The following SPIDR variants were observed in gnomAD, a reference collection of about 807,000 sequenced individuals.
The protein encoded by SPIDR is scaffold protein involved in DNA repair.
SPIDR carries 93 observed loss-of-function variants against 104.6 expected under a neutral mutation model. The ratio of observed to expected loss-of-function variants is 0.89; its 90% CI spans 0.75 to 1.06. The LOEUF is 1.06. Among genes scored for constraint, SPIDR ranks in the 50% least tolerant of loss-of-function variants. The pLI is 0.00. For missense variants in SPIDR, 1,154 were observed against 1,111.2 expected, an observed-to-expected ratio of 1.04 and a Z score of -0.55; for synonymous variants, 431 against 416.9, an observed-to-expected ratio of 1.03 and a Z score of -0.41.
intron 8 of SPIDR, among the ~76,000 whole-genome samples, chr8:47,487,393 C>T (rs960107390): frequency 2.9e-4 from 44 of 152,232 alleles, no homozygotes; most frequent in African/African-American, 1.0e-3. Context: ...TAGACTCCCA[C>T]ACAATAATAA....
intron 5 of SPIDR, among the ~76,000 whole-genome samples, chr8:47,381,516 CTG>C (rs1228640033): frequency 6.6e-6 from 1 of 152,230 alleles, no homozygotes; most frequent in African/African-American, 2.4e-5. Flanking sequence ...GTGCTACTGA[CTG>C]TGCTCGTTTG....
intron 8 of SPIDR, among the ~76,000 whole-genome samples, chr8:47,575,679 C>T (rs1188869210): frequency 3.1e-5 from 4 of 129,256 alleles, no homozygotes; most frequent in South Asian, 2.5e-4. Flanking sequence ...AAAAAAGCTT[C>T]GGCCAGGCGC....
At chr8:47,516,317 A>G (rs2083142646) in intron 8 of SPIDR, among the ~76,000 whole-genome samples, 1 of 152,210 alleles carries the variant, frequency 6.6e-6, no homozygotes, top group Admixed American at 6.5e-5. Flanking sequence ...CCATTTTTAG[A>G]TGTATTTTCA....
intron 5 of SPIDR, among the ~76,000 whole-genome samples, chr8:47,359,953 A>C (rs1382434277): frequency 1.3e-5 from 2 of 152,164 alleles, no homozygotes; most frequent in African/African-American, 4.8e-5. Flanking sequence ...ATTGAAATAG[A>C]GGGACTGGGC....
intron 8 of SPIDR, among the ~76,000 whole-genome samples, chr8:47,573,130 A>G (rs1370890528): frequency 6.6e-6 from 1 of 152,224 alleles, no homozygotes; most frequent in African/African-American, 2.4e-5. Context: ...GAGTTGTCTA[A>G]ATTATAAATC....
chr8:47,664,743 C>CAA (rs771963348), intron 10 of SPIDR, among the ~76,000 whole-genome samples: 1,663 of 63,248 alleles, frequency 0.026, 57 homozygotes, highest in East Asian at 0.13. Flanking sequence ...CCCATCTCTA[C>CAA]AAAAAAAAAA....
chr8:47,660,111 A>G (rs1470150006), intron 10 of SPIDR, among the ~76,000 whole-genome samples: 1 of 152,236 alleles, frequency 6.6e-6, no homozygotes, highest in Non-Finnish European at 1.5e-5. Context: ...AAACTTTTTT[A>G]AAAGAGAAAT....
Position 47,421,007 on chromosome 8 carries a change from G to T in SPIDR, c.877+13046G>T, listed in dbSNP as rs533454361. On this transcript the variant is annotated intron_variant, in intron 7 of 19. Coordinates refer to ENST00000297423, the MANE Select transcript of SPIDR (RefSeq NM_001080394.4). ...GTTAGTCTGATGGGCTTCACTTTGT[G>T]GGTAACCCCACCTTTCTCTCTGGCT... Among the ~76,000 whole-genome samples, 3 of 152,336 alleles carry T rather than the reference G, an allele frequency of 2.0e-5. No individual in the cohort carries two copies. In the South Asian group the frequency reaches 6.2e-4, roughly 32 times the overall value.
intron 8 of SPIDR, among the ~76,000 whole-genome samples, chr8:47,497,270 A>T (rs1586704930): frequency 1.3e-5 from 2 of 149,188 alleles, no homozygotes; most frequent in South Asian, 2.1e-4. Flanking sequence ...GTTTTTTCTT[A>T]TTTTTCTGGT....
At chr8:47,355,285 A>T (rs1219819915) in intron 5 of SPIDR, among the ~76,000 whole-genome samples, 1 of 151,278 alleles carries the variant, frequency 6.6e-6, no homozygotes, top group African/African-American at 2.4e-5. Context: ...AAAAAAAAAA[A>T]AAAAAAATAC....
At chr8:47,626,394 T>C (rs1025471791) in intron 10 of SPIDR, among the ~76,000 whole-genome samples, 1 of 152,170 alleles carries the variant, frequency 6.6e-6, no homozygotes, top group Admixed American at 6.5e-5. Context: ...AAATGGGATC[T>C]AATTAAACTA....
intron 19 of SPIDR, among the ~76,000 whole-genome samples, chr8:47,735,095 GGTGTGTGT>G (rs146992468): frequency 6.8e-6 from 1 of 146,042 alleles, no homozygotes; most frequent in Non-Finnish European, 1.5e-5. Flanking sequence ...TGGGTGTGTG[GGTGTGTGT>G]GTGTGTGGGT....
At chr8:47,508,364 A>G (rs529972861) in intron 8 of SPIDR, among the ~76,000 whole-genome samples, 1 of 152,316 alleles carries the variant, frequency 6.6e-6, no homozygotes, top group African/African-American at 2.4e-5. Context: ...AAGGGAATGC[A>G]TTGACTTGAT....
At chr8:47,722,711 C>G (rs1223454740) in intron 16 of SPIDR, among the ~76,000 whole-genome samples, 1 of 152,108 alleles carries the variant, frequency 6.6e-6, no homozygotes, top group African/African-American at 2.4e-5. Flanking sequence ...TCATTCTATA[C>G]AAGTTGAGTA....
intron 8 of SPIDR, among the ~76,000 whole-genome samples, chr8:47,551,339 C>G (rs1003622594): frequency 3.3e-5 from 5 of 152,080 alleles, no homozygotes; most frequent in Admixed American, 2.0e-4. Context: ...AGTTTCAGAA[C>G]CAATGGTACC....
At chr8:47,283,378 T>G (rs1265237443) in intron 2 of SPIDR, among the ~76,000 whole-genome samples, 1 of 152,204 alleles carries the variant, frequency 6.6e-6, no homozygotes, top group Non-Finnish European at 1.5e-5. Context: ...TGGTTTTGAC[T>G]GTGGCACCCC....
intron 11 of SPIDR, among the ~76,000 whole-genome samples, chr8:47,677,648 A>G (rs1277602907): frequency 6.6e-6 from 1 of 152,230 alleles, no homozygotes; most frequent in African/African-American, 2.4e-5. Flanking sequence ...AAAGGAAGCA[A>G]CTGACATGGT....
chr8:47,536,292 A>T (rs1233886340), intron 8 of SPIDR, among the ~76,000 whole-genome samples: 1 of 152,184 alleles, frequency 6.6e-6, no homozygotes, highest in African/African-American at 2.4e-5. Context: ...CAACAAACTG[A>T]TTCTAAAGTT....
At chr8:47,420,667 C>G (rs1425987020) in intron 7 of SPIDR, among the ~76,000 whole-genome samples, 1 of 152,068 alleles carries the variant, frequency 6.6e-6, no homozygotes, top group African/African-American at 2.4e-5. Context: ...ATGATGTTAC[C>G]TGGTTATTTT....
Sources: gnomAD v4.1 joint callset for allele counts (sites outside exome capture counted in the v4.1 genomes callset) on GRCh38, gnomAD v4.1.1 for gene constraint, MANE v1.5 for transcripts, NCBI Gene and HGNC (gene_info 2026-07-23, HGNC 2026-07-21) for gene names.